The following AKNAD1 variants were observed in gnomAD, a reference collection of about 807,000 sequenced individuals.
AKNAD1 encodes the protein AKNA domain containing 1, also known as protein AKNAD1.
In AKNAD1, 67 loss-of-function variants were observed where a neutral mutation model predicts 90.8. That is an observed-to-expected ratio of 0.74 (90% CI 0.61 to 0.90). AKNAD1 has a LOEUF of 0.90. Among genes scored for constraint, AKNAD1 ranks in the 40% least tolerant of loss-of-function variants. AKNAD1 has a pLI of 0.00. For synonymous variants in AKNAD1, 327 were observed against 341.4 expected, an observed-to-expected ratio of 0.96 and a Z score of 0.46; for missense variants, 957 against 975.4, an observed-to-expected ratio of 0.98 and a Z score of 0.25.
intron 1 of AKNAD1, among the ~76,000 whole-genome samples, chr1:108,855,998 C>T (rs151268656): frequency 0.12 from 18,657 of 151,018 alleles, 1,261 homozygotes; most frequent in Middle Eastern, 0.16. Context: ...ACTACAGGCG[C>T]ACACCACCAC....
chr1:108,855,570 T>TGAG (rs568766303), intron 1 of AKNAD1, among the ~76,000 whole-genome samples: 286 of 152,068 alleles, frequency 1.9e-3, no homozygotes, highest in Middle Eastern at 3.4e-3. Flanking sequence ...GTGGATCACT[T>TGAG]GAGCTCAGTA....
intron 6 of AKNAD1, among the ~76,000 whole-genome samples, chr1:108,842,835 C>CAATTGGTTTGGAG (rs1664589670): frequency 6.6e-6 from 1 of 152,120 alleles, no homozygotes; most frequent in East Asian, 1.9e-4. Context: ...TCTGGGTCTC[C>CAATTGGTTTGGAG]AAACCAATTA....
At chr1:108,850,958 A>G (rs1011764702) in intron 2 of AKNAD1, among the ~76,000 whole-genome samples, 1 of 152,234 alleles carries the variant, frequency 6.6e-6, no homozygotes, top group African/African-American at 2.4e-5. Context: ...GTTTTGTACC[A>G]AATGATTACC....
At position 108,851,809 on chromosome 1, in the gene AKNAD1, C is replaced by G. The variant is rs1180625586; in HGVS notation, c.856G>C (p.Ala286Pro). Reference protein sequence around the residue: ...INKPLAIAKQASFSSKSRDKP... With the variant: ...INKPLAIAKQPSFSSKSRDKP... ...TCTCTCGACTTGGAAGAAAAGCTGG[C>G]TTGTTTAGCTATTGCAAGTGGTTTA... The change falls in exon 2 of 16, where the codon GCC becomes CCC. Residue 286 changes from alanine to proline, a missense_variant. Physicochemically the swap from Ala to Pro is conservative, Grantham distance 27. Coordinates refer to ENST00000370001, the MANE Select transcript of AKNAD1 (RefSeq NM_152763.5). The G allele has an allele frequency of 6.2e-7, 1 of 1,614,080 alleles. No individual in the cohort carries two copies. The highest frequency in any genetic ancestry group is 8.5e-7 in the Non-Finnish European group (1 of 1,180,000).
At chr1:108,840,349 C>T (rs182408333) in intron 6 of AKNAD1, among the ~76,000 whole-genome samples, 1 of 152,232 alleles carries the variant, frequency 6.6e-6, no homozygotes, top group African/African-American at 2.4e-5. Context: ...ATACTCAGAA[C>T]ACTATAAAAT....
At chr1:108,839,496 T>C (rs991554076) in intron 6 of AKNAD1, among the ~76,000 whole-genome samples, 1 of 105,236 alleles carries the variant, frequency 9.5e-6, no homozygotes, top group Non-Finnish European at 2.0e-5. Context: ...AAGGGAAAAT[T>C]GCCCAACTCA....
Position 108,816,054 on chromosome 1 carries a change from G to T in AKNAD1, c.*117C>A. 1.8e-6 allele frequency: 2 copies of T among 1,110,948 alleles called. No homozygotes were observed. The highest frequency in any genetic ancestry group is 2.4e-6 in the Non-Finnish European group (2 of 825,238). 68.8% of individuals were successfully genotyped at this position (1,110,948 alleles called of 1,614,324 possible). On this transcript the variant is annotated 3_prime_UTR_variant, in exon 16 of 16. Coordinates refer to ENST00000370001, the MANE Select transcript of AKNAD1 (RefSeq NM_152763.5). ...GTGTTACCCATTTCTTATGGTTTCT[G>T]TGTTTTCTCTAGAAAGTCATCTTCC...
intron 7 of AKNAD1, 76 bp downstream of exon 7, chr1:108,837,474 C>T (rs994757087): frequency 1.5e-6 from 2 of 1,349,358 alleles, no homozygotes; most frequent in Non-Finnish European, 1.0e-6. Flanking sequence ...TTCAGTGAAT[C>T]CATGAATTAG....
rs182488271 is a variant in AKNAD1, at chr1:108,835,059, G to T, written c.1537-3C>A. 2,181 of 1,570,612 alleles carry T rather than the reference G, an allele frequency of 1.4e-3. 8 individuals are homozygous for T. The highest frequency in any genetic ancestry group is 1.3e-3 in the South Asian group (108 of 85,570). On this transcript the variant is annotated splice_region_variant and splice_polypyrimidine_tract_variant and intron_variant, in intron 7 of 15. Coordinates refer to ENST00000370001, the MANE Select transcript of AKNAD1 (RefSeq NM_152763.5). ...TGGCCGGGGTGCTCCTTGGGAATCT[G>T]GGGGAGCCACACAGAAAGACTTGAA...
chr1:108,843,129 C>G lies in AKNAD1; in HGVS notation c.1379+5G>C. On this transcript the variant is annotated splice_donor_5th_base_variant and intron_variant, in intron 6 of 15. Transcript: ENST00000370001. ...TCCACCTTACACAGTTGGTTTAAAT[C>G]TGACCTTTCTGGATCAAAGTCACCA... 6.2e-7 allele frequency: 1 copy of G among 1,613,856 alleles called. No individual in the cohort carries two copies. Among genetic ancestry groups the G allele is most frequent in the Non-Finnish European group, 8.5e-7 (1 of 1,179,902 alleles).
At position 108,851,658 on chromosome 1, in the gene AKNAD1, A is replaced by G; in HGVS notation, c.993+14T>C. 1 of 1,565,814 alleles carries G rather than the reference A, an allele frequency of 6.4e-7. No individual in the cohort carries two copies. The highest frequency in any genetic ancestry group is 8.6e-7 in the Non-Finnish European group (1 of 1,161,798). On this transcript the variant is annotated intron_variant, in intron 2 of 15. Coordinates refer to ENST00000370001, the MANE Select transcript of AKNAD1 (RefSeq NM_152763.5). ...GTCCCAATTAATGTGTTTACAGGAG[A>G]CTGTTTCATTTACCTGGATTTGTTG...
chr1:108,825,386 C>G (rs1266162495), intron 11 of AKNAD1, among the ~76,000 whole-genome samples: 1 of 151,742 alleles, frequency 6.6e-6, no homozygotes, highest in African/African-American at 2.4e-5. Context: ...CTTAATTTCT[C>G]TGAGCCTCTA....
At chr1:108,847,730 C>G (rs1476439731) in intron 5 of AKNAD1, among the ~76,000 whole-genome samples, 2 of 152,178 alleles carry the variant, frequency 1.3e-5, no homozygotes, top group Non-Finnish European at 2.9e-5. Flanking sequence ...CTGCAACACC[C>G]AGCTCAGAAG....
rs1325772818 is a variant in AKNAD1, at chr1:108,827,253, A to G, written c.1888T>C (p.Phe630Leu). 2.5e-6 allele frequency: 4 copies of G among 1,611,608 alleles called. 1 individual carries two copies. The highest frequency in any genetic ancestry group is 2.7e-5 in the African/African-American group (2 of 74,782). Residue 630 changes from phenylalanine (F) to leucine (L), a missense_variant, in exon 11 of 16, where the codon TTT becomes CTT. Phe to Leu is a conservative substitution (Grantham distance 22). Coordinates refer to ENST00000370001, the MANE Select transcript of AKNAD1 (RefSeq NM_152763.5). ...KGHGRINCGR[F>L]SIVLHEKAPH... ...GCCTTTTCATGAAGGACAATTGAAAATCTTCCACAGTTGATCCTTCCGTGG... is the reference window on the plus strand; with the variant it reads ...GCCTTTTCATGAAGGACAATTGAAAGTCTTCCACAGTTGATCCTTCCGTGG...
Position 108,852,465 on chromosome 1 carries a change from G to A in AKNAD1, c.200C>T (p.Thr67Ile), listed in dbSNP as rs999767591. 9.9e-6 allele frequency: 16 copies of A among 1,613,724 alleles called. No individual in the cohort carries two copies. The highest frequency in any genetic ancestry group is 1.7e-5 in the Admixed American group (1 of 59,898). The change falls in exon 2 of 16, where the codon ACA becomes ATA. Residue 67 changes from threonine (T) to isoleucine (I), a missense_variant. By Grantham distance (89) the Thr-to-Ile change is moderately conservative (BLOSUM62 -1). Coordinates refer to ENST00000370001, the MANE Select transcript of AKNAD1 (RefSeq NM_152763.5). ...KAMHSETCGN[T>I]AVTIPLGKIT... is the part of the protein sequence containing the mutation. ...TTTACCCAGGGGTATGGTCACAGCT[G>A]TATTTCCACAAGTCTCACTATGCAT...
chr1:108,823,078 A>G (rs761076821), intron 13 of AKNAD1: 9 of 647,016 alleles, frequency 1.4e-5, no homozygotes, highest in Non-Finnish European at 2.5e-5. Flanking sequence ...TAAGTCATTT[A>G]TTTGTTCAGC....
chr1:108,819,408 A>G (rs1215790253), intron 14 of AKNAD1, among the ~76,000 whole-genome samples: 3 of 151,038 alleles, frequency 2.0e-5, no homozygotes, highest in Non-Finnish European at 4.4e-5. Context: ...TGCTGAGGCT[A>G]GGAGTTCAAG....
At chr1:108,840,411 G>A (rs1205664031) in intron 6 of AKNAD1, among the ~76,000 whole-genome samples, 1 of 152,074 alleles carries the variant, frequency 6.6e-6, no homozygotes, top group African/African-American at 2.4e-5. Flanking sequence ...TGAAGAAAAC[G>A]TGATGGGAAT....
chr1:108,825,227 A>C (rs938188568), intron 11 of AKNAD1, among the ~76,000 whole-genome samples: 1 of 151,698 alleles, frequency 6.6e-6, no homozygotes, highest in Non-Finnish European at 1.5e-5. Context: ...TGAACCACCC[A>C]GCTAAAGTGC....
Sources: allele counts gnomAD v4.1 joint callset (sites outside exome capture counted in the v4.1 genomes callset), GRCh38; gene constraint gnomAD v4.1.1; transcripts MANE v1.5; gene names NCBI Gene and HGNC (gene_info 2026-07-23, HGNC 2026-07-21).